USP39: variants seen among roughly 807,000 people sequenced by gnomAD.
USP39 encodes the protein ubiquitin carboxyl-terminal hydrolase 39.
A neutral mutation model predicts 66.4 loss-of-function variants in USP39; 38 were observed. The observed-to-expected ratio is 0.57, with a 90% CI of 0.44 to 0.75. The LOEUF (loss-of-function observed/expected upper bound fraction) is 0.75, where lower values mean the gene tolerates loss of function less well. Ranked by LOEUF, USP39 falls within the 30% of genes least tolerant of loss-of-function variation. USP39 has a pLI of 0.00. For synonymous variants in USP39, 303 were observed against 274.6 expected, an observed-to-expected ratio of 1.10 and a Z score of -1.02; for missense variants, 608 against 714.4, an observed-to-expected ratio of 0.85 and a Z score of 1.70.
chr2:85,619,926 C>T (rs1674324820), intron 2 of USP39, among the ~76,000 whole-genome samples: 1 of 151,848 alleles, frequency 6.6e-6, no homozygotes, highest in Non-Finnish European at 1.5e-5. Flanking sequence ...GCGATCTTGG[C>T]TTACTGCAAC....
upstream of USP39, among the ~76,000 whole-genome samples, chr2:85,614,377 G>T (rs1673774254): frequency 6.6e-6 from 1 of 152,084 alleles, no homozygotes; most frequent in Non-Finnish European, 1.5e-5. Flanking sequence ...AGCCGGGCAT[G>T]GTGGCAGGTG....
Position 85,630,705 on chromosome 2 carries a change from A to G in USP39, c.724-16A>G, listed in dbSNP as rs1169193947. 3 of 1,612,324 alleles carry G rather than the reference A, an allele frequency of 1.9e-6. No individual in the cohort carries two copies. In the Middle Eastern group the frequency reaches 5.0e-4, roughly 266 times the overall value. On this transcript the variant is annotated splice_polypyrimidine_tract_variant and intron_variant, in intron 5 of 12. Coordinates refer to ENST00000323701, the MANE Select transcript of USP39 (RefSeq NM_006590.4). ...TACAAAGGGGCTTTGGGTTAATCGG[A>G]GTGTTTGATTTTTAGGCTCTATCTA...
chr2:85,608,942 T>C (rs769397836), upstream of USP39: 5 of 1,614,114 alleles, frequency 3.1e-6, no homozygotes, highest in Admixed American at 1.7e-5. Flanking sequence ...GCCTTCAACA[T>C]GGTCAGTGTT....
At chr2:85,620,507 G>C (rs986032429) in intron 2 of USP39, among the ~76,000 whole-genome samples, 2 of 151,856 alleles carry the variant, frequency 1.3e-5, no homozygotes, top group African/African-American at 2.4e-5. Context: ...AAGTTATAAG[G>C]GCTGTTCATT....
upstream of USP39, chr2:85,611,074 C>T (rs1486229119): frequency 4.5e-6 from 1 of 224,624 alleles, no homozygotes; most frequent in African/African-American, 2.4e-5. Context: ...AACCCCTTCT[C>T]TACAAGAAAT....
Position 85,616,383 on chromosome 2 carries a change from C to A in USP39, c.188C>A (p.Pro63Gln). The change falls in exon 1 of 13, where the codon CCG becomes CAG. Residue 63 changes from proline (P) to glutamine (Q), a missense_variant. Physicochemically the swap from Pro to Gln is moderately conservative, Grantham distance 76 (BLOSUM62 -1). Around this residue, in one of 6 missense-constraint regions of USP39, gnomAD observed 207 missense variants for 145.7 expected, o/e 1.42. Transcript: ENST00000323701. ...GAGCCGGCGAGCGCGCGCGAGGCCC[C>A]GGCTTCTGTTGTCCCGTTTGTGCGG... ...EFEPASAREA[P>Q]ASVVPFVRVK... The A allele has an allele frequency of 6.2e-7, 1 of 1,602,718 alleles. No homozygotes were observed. The highest frequency in any genetic ancestry group is 1.7e-5 in the Admixed American group (1 of 59,118).
rs746734029 is a variant in USP39 at position 85,616,368 on chromosome 2, G to T, written c.173G>T (p.Ser58Ile). 2.5e-6 allele frequency: 4 copies of T among 1,601,602 alleles called. No individual in the cohort carries two copies. Among genetic ancestry groups the T allele is most frequent in the Middle Eastern group, 1.7e-4 (1 of 6,004 alleles). The change falls in exon 1 of 13, where the codon AGC becomes ATC. Residue 58 changes from serine to isoleucine, a missense_variant. Ser to Ile is a moderately radical substitution (Grantham distance 142, BLOSUM62 -2). Transcript: ENST00000323701. Reference sequence around the variant, plus strand: ...GTGAAGCGGGAGTTCGAGCCGGCGAGCGCGCGCGAGGCCCCGGCTTCTGTT... The same window carrying T: ...GTGAAGCGGGAGTTCGAGCCGGCGATCGCGCGCGAGGCCCCGGCTTCTGTT... ...VRVKREFEPA[S>I]AREAPASVVP...
At chr2:85,615,873 A>G (rs1276562069), upstream of USP39, among the ~76,000 whole-genome samples, 2 of 151,518 alleles carry the variant, frequency 1.3e-5, no homozygotes, top group South Asian at 2.1e-4. Flanking sequence ...CAGGTGATCC[A>G]CCCGCCTCGG....
At chr2:85,647,672 A>C (rs971493262) in intron 11 of USP39, among the ~76,000 whole-genome samples, 1 of 151,886 alleles carries the variant, frequency 6.6e-6, no homozygotes, top group African/African-American at 2.4e-5. Context: ...AAAAAAAAAA[A>C]ACAAAAAAAC....
chr2:85,643,426 C>T (rs1348194209), intron 10 of USP39, among the ~76,000 whole-genome samples: 3 of 151,666 alleles, frequency 2.0e-5, no homozygotes, highest in Non-Finnish European at 4.4e-5. Flanking sequence ...GGAAGCAGAG[C>T]TTGCAGTGAA....
At chr2:85,643,296 C>T (rs1039249149) in intron 10 of USP39, among the ~76,000 whole-genome samples, 2 of 151,968 alleles carry the variant, frequency 1.3e-5, no homozygotes, top group Admixed American at 1.3e-4. Context: ...CGAGACCATC[C>T]TGGCTAACAC....
intron 8 of USP39, among the ~76,000 whole-genome samples, 158 bp downstream of exon 8, chr2:85,637,594 C>T (rs987721220): frequency 2.0e-5 from 3 of 152,218 alleles, no homozygotes; most frequent in Admixed American, 6.5e-5. Context: ...CCCTGTCATA[C>T]TAGTGCACTT....
At chr2:85,636,231 G>A (rs910689559) in intron 7 of USP39, 101 bp downstream of exon 7, 15 of 1,112,770 alleles carry the variant, frequency 1.3e-5, no homozygotes, top group Non-Finnish European at 1.8e-5. Flanking sequence ...TCTTTGAGAG[G>A]CCGAGGTGGG....
chr2:85,616,285 G>A lies in USP39; in HGVS notation c.90G>A (p.Arg30=), dbSNP rs1242327300. The change falls in exon 1 of 13, where the codon CGG becomes CGA. Residue 30 remains arginine (R), a synonymous_variant. Coordinates refer to ENST00000323701, the MANE Select transcript of USP39 (RefSeq NM_006590.4). The stretch of plus-strand genomic sequence containing the variant: ...GGGGCAGCTCCGGTCGCGTCAAGCG[G>A]GAGCGAGATCGGGAGCGGGAGCCTG... The part of the protein sequence containing the change: ...ESRGSSGRVK[R]ERDREREPEA... 1 of 1,561,386 alleles carries A rather than the reference G, an allele frequency of 6.4e-7. No homozygotes were observed.
At chr2:85,611,553 AAG>A (rs1404737828), upstream of USP39, 1 of 1,550,942 alleles carries the variant, frequency 6.4e-7, no homozygotes, top group African/African-American at 1.4e-5. Context: ...AGGTTCCGGA[AAG>A]AGACGAGATG....
rs1003858108 is a variant in USP39 at position 85,618,286 on chromosome 2, G to A, written c.269-934G>A. On this transcript the variant is annotated intron_variant, in intron 1 of 12. Transcript: ENST00000323701. ...TAAACTACGTAGTACATTTGTGGCC[G>A]GGCGCAGTGGCTCACGCCTGTAATC... 4.0e-5 allele frequency among the ~76,000 whole-genome samples: 6 copies of A among 151,478 alleles called. No individual in the cohort carries two copies. The South Asian group carries it at 6.2e-4, about 16-fold the overall frequency.
At chr2:85,633,694 G>A (rs2104309791) in intron 6 of USP39, among the ~76,000 whole-genome samples, 1 of 152,198 alleles carries the variant, frequency 6.6e-6, no homozygotes, top group Admixed American at 6.5e-5. Flanking sequence ...TTGGGCCTAG[G>A]AGGTAGAGGC....
intron 7 of USP39, 71 bp downstream of exon 7, chr2:85,636,201 C>G (rs1386516759): frequency 7.1e-7 from 1 of 1,415,726 alleles, no homozygotes; most frequent in Admixed American, 1.7e-5. Flanking sequence ...GTCGCAATGG[C>G]TCATGCCTAT....
rs150803617 is a variant in USP39 at position 85,647,750 on chromosome 2, A to G, written c.1564-180A>G. On this transcript the variant is annotated intron_variant, in intron 11 of 12. Coordinates refer to ENST00000323701, the MANE Select transcript of USP39 (RefSeq NM_006590.4). ...TTGAGTTTGCCATGATTGACACACC[A>G]AAAGTCCTATTAATTGAATCATGGC... Among the ~76,000 whole-genome samples the G allele has an allele frequency of 6.2e-4, 95 of 152,298 alleles. 1 individual carries two copies. In the East Asian group the frequency reaches 0.015, roughly 24 times the overall value.
Sources: gnomAD v4.1 joint callset for allele counts (sites outside exome capture counted in the v4.1 genomes callset) on GRCh38, gnomAD v4.1.1 for gene constraint, gnomAD v4.1.1 regional missense constraint, MANE v1.5 for transcripts, NCBI Gene and HGNC (gene_info 2026-07-23, HGNC 2026-07-21) for gene names.